VAX2: variants seen among roughly 807,000 people sequenced by gnomAD.
The protein encoded by VAX2 is ventral anterior homeobox 2.
VAX2 carries 8 observed loss-of-function variants against 12.5 expected under a neutral mutation model. The ratio of observed to expected loss-of-function variants is 0.64; its 90% CI spans 0.37 to 1.15. The LOEUF (loss-of-function observed/expected upper bound fraction) is 1.15. Among genes scored for constraint, VAX2 ranks in the 50% most tolerant of loss-of-function variants. The pLI is 0.01. For synonymous variants in VAX2, 183 were observed against 187.6 expected, an observed-to-expected ratio of 0.98 and a Z score of 0.20; for missense variants, 476 against 412.9, an observed-to-expected ratio of 1.15 and a Z score of -1.32.
chr2:70,910,402 A>T (rs920414100), intron 1 of VAX2, among the ~76,000 whole-genome samples: 1 of 152,186 alleles, frequency 6.6e-6, no homozygotes, highest in Non-Finnish European at 1.5e-5. Context: ...ATCCAAGGAT[A>T]TACATTTAAA....
At chr2:70,908,898 T>C (rs1679123363) in intron 1 of VAX2, among the ~76,000 whole-genome samples, 1 of 152,162 alleles carries the variant, frequency 6.6e-6, no homozygotes, top group Non-Finnish European at 1.5e-5. Flanking sequence ...TCCACCCCTT[T>C]GCCCTGTCCC....
intron 1 of VAX2, among the ~76,000 whole-genome samples, chr2:70,919,263 C>G (rs998769857): frequency 6.7e-6 from 1 of 150,134 alleles, no homozygotes; most frequent in East Asian, 1.9e-4. Context: ...AAAAAAAAGA[C>G]GGTGTTTCAA....
chr2:70,904,613 C>T lies in VAX2; in HGVS notation c.247+3745C>T, dbSNP rs1679008756. Among the ~76,000 whole-genome samples the T allele has an allele frequency of 6.6e-6, 1 of 152,200 alleles. No homozygotes were observed. The highest frequency in any genetic ancestry group is 1.5e-5 in the Non-Finnish European group (1 of 68,044). On this transcript the variant is annotated intron_variant, in intron 1 of 2. Coordinates refer to ENST00000234392, the MANE Select transcript of VAX2 (RefSeq NM_012476.3). The surrounding 1 kb of genome is among the most constrained non-coding windows in gnomAD (Gnocchi z 4.2). ...GCGGGTCCTCAAACCCCACTCGAAACCCTCCGAACCCCTGTGTCTGGGAGC... is the reference window on the plus strand; with the variant it reads ...GCGGGTCCTCAAACCCCACTCGAAATCCTCCGAACCCCTGTGTCTGGGAGC...
intron 2 of VAX2, among the ~76,000 whole-genome samples, chr2:70,930,572 A>G (rs1253764179): frequency 6.6e-6 from 1 of 152,196 alleles, no homozygotes; most frequent in Non-Finnish European, 1.5e-5. Flanking sequence ...AAGACTGGAC[A>G]TCTTCTGGTG....
chr2:70,932,637 A>AGCCCCCC, intron 2 of VAX2, 130 bp from the exon 3 acceptor site: 1 of 144,554 alleles, frequency 6.9e-6, no homozygotes, highest in Non-Finnish European at 1.5e-5. Context: ...CCACCCTCAC[A>AGCCCCCC]CCCCACCCCC....
Position 70,933,364 on chromosome 2 carries a change from T to C in VAX2, c.*160T>C. The C allele has an allele frequency of 4.9e-6, 3 of 611,444 alleles. No homozygotes were observed. Among genetic ancestry groups the C allele is most frequent in the Non-Finnish European group, 7.6e-6 (3 of 395,354 alleles). 37.9% of individuals were successfully genotyped at this position (611,444 alleles called of 1,614,324 possible). On this transcript the variant is annotated 3_prime_UTR_variant, in exon 3 of 3. Transcript: ENST00000234392. ...GAGACTCGTGACCAAATGGCCTTGG[T>C]CCCGCAGCTTGTGTGCGTGAGTGCA...
At chr2:70,925,027 A>G (rs1449810194) in intron 2 of VAX2, among the ~76,000 whole-genome samples, 6 of 152,234 alleles carry the variant, frequency 3.9e-5, no homozygotes, top group Admixed American at 2.0e-4. Flanking sequence ...AGGAGACGTC[A>G]AGGCAGACGG....
intron 2 of VAX2, among the ~76,000 whole-genome samples, chr2:70,926,775 A>G (rs1261494216): frequency 6.6e-6 from 1 of 152,182 alleles, no homozygotes; most frequent in Non-Finnish European, 1.5e-5. Context: ...AAAAGACTTC[A>G]TCAACTGCCA....
intron 1 of VAX2, among the ~76,000 whole-genome samples, chr2:70,902,193 G>C (rs1391594460): frequency 3.3e-5 from 5 of 152,242 alleles, no homozygotes; most frequent in Admixed American, 3.3e-4. Flanking sequence ...GGGGACTGGA[G>C]GGTAGAGCAT....
intron 2 of VAX2, among the ~76,000 whole-genome samples, chr2:70,928,354 T>C (rs1237588046): frequency 6.6e-6 from 1 of 152,220 alleles, no homozygotes; most frequent in Admixed American, 6.5e-5. Context: ...CTAGAGATTC[T>C]GATTTAATAT....
intron 1 of VAX2, among the ~76,000 whole-genome samples, chr2:70,905,483 C>T (rs1263674548): frequency 6.8e-6 from 1 of 147,110 alleles, no homozygotes; most frequent in African/African-American, 2.4e-5. Context: ...TAACCCTTAC[C>T]CCCACAAACA....
intron 1 of VAX2, among the ~76,000 whole-genome samples, chr2:70,920,320 C>T (rs781984408): frequency 6.6e-6 from 1 of 152,140 alleles, no homozygotes; most frequent in Non-Finnish European, 1.5e-5. Context: ...TTACTAAGTT[C>T]TTTATCAGGA....
intron 1 of VAX2, among the ~76,000 whole-genome samples, chr2:70,901,376 C>T (rs1678920680): frequency 6.6e-6 from 1 of 152,228 alleles, no homozygotes; most frequent in Non-Finnish European, 1.5e-5. Context: ...CACGGATTGC[C>T]CAGGGGAGAC....
intron 2 of VAX2, among the ~76,000 whole-genome samples, chr2:70,929,395 G>A (rs1553413981): frequency 3.9e-5 from 6 of 152,174 alleles, no homozygotes; most frequent in Non-Finnish European, 8.8e-5. Context: ...TAAAGAATAG[G>A]TATTTAGAAA....
rs543286120 is a variant in VAX2 at position 70,908,323 on chromosome 2, G to A, written c.247+7455G>A. ...CCACTGCACTTTTTAAAAAGTATCCGGTGAAAAACCTCTCCCATCCCTGTC... is the reference window on the plus strand; with the variant it reads ...CCACTGCACTTTTTAAAAAGTATCCAGTGAAAAACCTCTCCCATCCCTGTC... On this transcript the variant is annotated intron_variant, in intron 1 of 2. Transcript: ENST00000234392. Among the ~76,000 whole-genome samples, 6 of 152,224 alleles carry A rather than the reference G, an allele frequency of 3.9e-5. No individual in the cohort carries two copies. In the South Asian group the frequency reaches 8.3e-4, roughly 21 times the overall value.
intron 2 of VAX2, among the ~76,000 whole-genome samples, chr2:70,929,706 T>C (rs916760780): frequency 2.3e-4 from 34 of 148,732 alleles, no homozygotes; most frequent in African/African-American, 8.5e-4. Context: ...AAACAATGTA[T>C]ATAGCAATCT....
At chr2:70,915,129 T>C (rs1475864712) in intron 1 of VAX2, among the ~76,000 whole-genome samples, 1 of 151,988 alleles carries the variant, frequency 6.6e-6, no homozygotes, top group Non-Finnish European at 1.5e-5. Flanking sequence ...ATTTTTTTTT[T>C]CAAATCTGTT....
At chr2:70,907,070 C>G (rs1208527031) in intron 1 of VAX2, among the ~76,000 whole-genome samples, 1 of 152,260 alleles carries the variant, frequency 6.6e-6, no homozygotes, top group Non-Finnish European at 1.5e-5. Context: ...CGCCTTCTCC[C>G]GGAAGAACGT....
rs1313991258 is a variant in VAX2 at position 70,904,987 on chromosome 2, G to C, written c.247+4119G>C. Among the ~76,000 whole-genome samples the C allele has an allele frequency of 2.0e-5, 3 of 152,196 alleles. No homozygotes were observed. Among genetic ancestry groups the C allele is most frequent in the African/African-American group, 7.2e-5 (3 of 41,456 alleles). On this transcript the variant is annotated intron_variant, in intron 1 of 2. Transcript: ENST00000234392. This position sits in a 1 kb window ranked among gnomAD's most constrained non-coding sequence, Gnocchi z 4.2. ...AAGCCATACAAGGGGGCGCAGCTTCGGGGCTCTGGCTGGGAGGTTACTGCA... is the reference window on the plus strand; with the variant it reads ...AAGCCATACAAGGGGGCGCAGCTTCCGGGCTCTGGCTGGGAGGTTACTGCA...
Sources: gnomAD v4.1 joint callset for allele counts (sites outside exome capture counted in the v4.1 genomes callset) on GRCh38, gnomAD v4.1.1 for gene constraint, Gnocchi (gnomAD v3.1) non-coding constraint, MANE v1.5 for transcripts, NCBI Gene and HGNC (gene_info 2026-07-23, HGNC 2026-07-21) for gene names.